SBF2: variants seen among roughly 807,000 people sequenced by gnomAD.
SBF2 encodes myotubularin-related protein 13.
A neutral mutation model predicts 225.2 loss-of-function variants in SBF2; 112 were observed. The observed-to-expected ratio is 0.50, with a 90% CI of 0.43 to 0.58. The LOEUF is 0.58. SBF2 is among the 20% of genes least tolerant of loss of function. The pLI is 0.00. For synonymous variants in SBF2, 763 were observed against 773.3 expected, an observed-to-expected ratio of 0.99 and a Z score of 0.22; for missense variants, 1,996 against 2,206.2, an observed-to-expected ratio of 0.90 and a Z score of 1.91.
At position 9,900,699 on chromosome 11, in the gene SBF2, G is replaced by A. The variant is rs1021358284; in HGVS notation, c.1861-4688C>T. Among the ~76,000 whole-genome samples, 46 of 152,052 alleles carry A rather than the reference G, an allele frequency of 3.0e-4. 1 individual carries two copies. The highest frequency in any genetic ancestry group is 2.8e-3 in the Admixed American group (43 of 15,256). ...ATATTTGAGTGCTATTTCTTTTGCG[G>A]CACTGAAACTTTATTTATAACAAAA... On this transcript the variant is annotated intron_variant, in intron 16 of 39. Transcript: ENST00000256190.
intron 13 of SBF2, among the ~76,000 whole-genome samples, chr11:9,976,352 G>A (rs1946682356): frequency 1.3e-5 from 2 of 152,060 alleles, no homozygotes; most frequent in South Asian, 4.1e-4. Context: ...GATTACAGGC[G>A]TGAGCCACTG....
At chr11:9,790,071 A>G (rs1852644190) in intron 34 of SBF2, among the ~76,000 whole-genome samples, 1 of 152,206 alleles carries the variant, frequency 6.6e-6, no homozygotes, top group Admixed American at 6.5e-5. Flanking sequence ...AGTCTGTTGC[A>G]TTCCAGGGCG....
At chr11:9,799,833 T>C (rs1406058655) in intron 32 of SBF2, among the ~76,000 whole-genome samples, 4 of 152,236 alleles carry the variant, frequency 2.6e-5, no homozygotes, top group Non-Finnish European at 4.4e-5. Flanking sequence ...GGAACTCACC[T>C]AGACTCTTGT....
intron 24 of SBF2, among the ~76,000 whole-genome samples, chr11:9,844,571 T>G (rs376294381): frequency 6.6e-6 from 1 of 152,262 alleles, no homozygotes; most frequent in East Asian, 1.9e-4. Context: ...TAAAGAAATA[T>G]GACAACTAAA....
At chr11:10,029,448 G>A (rs1949170937) in intron 5 of SBF2, among the ~76,000 whole-genome samples, 1 of 152,146 alleles carries the variant, frequency 6.6e-6, no homozygotes, top group African/African-American at 2.4e-5. Flanking sequence ...AAAGGTAAAA[G>A]AGAACATTTA....
At chr11:10,228,483 T>C (rs1958677681) in intron 1 of SBF2, among the ~76,000 whole-genome samples, 2 of 152,230 alleles carry the variant, frequency 1.3e-5, no homozygotes, top group African/African-American at 4.8e-5. Flanking sequence ...CTTATTATTT[T>C]GAGATACGTC....
intron 2 of SBF2, among the ~76,000 whole-genome samples, chr11:10,046,598 TAGAGGG>T (rs892654950): frequency 1.1e-4 from 17 of 151,322 alleles, no homozygotes; most frequent in African/African-American, 3.6e-4. Context: ...ACACTAGAAG[TAGAGGG>T]AAACTTCCTC....
intron 6 of SBF2, among the ~76,000 whole-genome samples, chr11:10,026,603 T>C (rs980397457): frequency 1.5e-4 from 23 of 152,076 alleles, no homozygotes; most frequent in African/African-American, 4.6e-4. Context: ...CTGGGTATGA[T>C]TGCATGTGCC....
intron 2 of SBF2, among the ~76,000 whole-genome samples, chr11:10,047,829 T>C (rs535806162): frequency 3.3e-5 from 5 of 152,298 alleles, no homozygotes; most frequent in African/African-American, 9.6e-5. Context: ...TAGTTTAAAA[T>C]AGCAATTTAT....
Position 10,005,366 on chromosome 11 carries a change from C to T in SBF2, c.620-2677G>A, listed in dbSNP as rs139865760. On this transcript the variant is annotated intron_variant, in intron 6 of 39. Coordinates refer to ENST00000256190, the MANE Select transcript of SBF2 (RefSeq NM_030962.4). Reference sequence around the variant, plus strand: ...GACAGGCCTTTGTGCATGCGGAGTGCCCACCCCAAGGGAAGAATCTGGGGA... The same window carrying T: ...GACAGGCCTTTGTGCATGCGGAGTGTCCACCCCAAGGGAAGAATCTGGGGA... 5.0e-3 allele frequency among the ~76,000 whole-genome samples: 760 copies of T among 152,186 alleles called. 6 individuals are homozygous for T. Among genetic ancestry groups the T allele is most frequent in the African/African-American group, 0.017 (723 of 41,528 alleles).
At chr11:10,152,062 C>T (rs188185072) in intron 2 of SBF2, among the ~76,000 whole-genome samples, 22 of 152,210 alleles carry the variant, frequency 1.4e-4, no homozygotes, top group Admixed American at 1.0e-3. Flanking sequence ...TTCTGCTTTA[C>T]CTGTGGAACT....
intron 2 of SBF2, among the ~76,000 whole-genome samples, chr11:10,095,608 G>A (rs1951982864): frequency 6.6e-6 from 1 of 152,068 alleles, no homozygotes; most frequent in South Asian, 2.1e-4. Flanking sequence ...GAAAATCAAA[G>A]CACATGGTAT....
intron 1 of SBF2, among the ~76,000 whole-genome samples, chr11:10,262,310 G>A (rs903900259): frequency 2.0e-5 from 3 of 152,144 alleles, no homozygotes; most frequent in African/African-American, 7.2e-5. Flanking sequence ...GTACTATACA[G>A]GCGTTTGGTA....
chr11:10,176,084 A>T (rs1335544433), intron 2 of SBF2, among the ~76,000 whole-genome samples: 1 of 123,634 alleles, frequency 8.1e-6, no homozygotes, highest in Non-Finnish European at 1.8e-5. Context: ...CGGCTCCTGA[A>T]TGACTACTGG....
At chr11:9,869,384 T>C (rs986481160) in intron 17 of SBF2, among the ~76,000 whole-genome samples, 1 of 152,126 alleles carries the variant, frequency 6.6e-6, no homozygotes, top group Non-Finnish European at 1.5e-5. Flanking sequence ...AGTGGCGCGA[T>C]CTCAGCTCAC....
At chr11:10,275,784 T>C (rs1565426294) in intron 1 of SBF2, among the ~76,000 whole-genome samples, 2 of 152,188 alleles carry the variant, frequency 1.3e-5, no homozygotes, top group Non-Finnish European at 2.9e-5. Context: ...AAAAATTCTA[T>C]AGGCTCTATC....
intron 2 of SBF2, among the ~76,000 whole-genome samples, chr11:10,174,163 A>G (rs1035961175): frequency 1.3e-5 from 2 of 152,206 alleles, no homozygotes; most frequent in South Asian, 2.1e-4. Flanking sequence ...TGGACGGAGA[A>G]TGACTTTGAC....
intron 2 of SBF2, among the ~76,000 whole-genome samples, chr11:10,180,541 T>C (rs543617352): frequency 3.3e-5 from 5 of 152,310 alleles, no homozygotes; most frequent in African/African-American, 1.2e-4. Flanking sequence ...ATTACATGTC[T>C]TGATATATTC....
intron 2 of SBF2, among the ~76,000 whole-genome samples, chr11:10,043,397 C>T (rs960554834): frequency 2.6e-5 from 4 of 151,894 alleles, no homozygotes; most frequent in Non-Finnish European, 5.9e-5. Flanking sequence ...CAATTCATTA[C>T]AAAAAAAGAG....
Sources: gnomAD v4.1 joint callset for allele counts (sites outside exome capture counted in the v4.1 genomes callset) on GRCh38, gnomAD v4.1.1 for gene constraint, MANE v1.5 for transcripts, NCBI Gene and HGNC (gene_info 2026-07-23, HGNC 2026-07-21) for gene names.